ZNG1E: variants seen among roughly 807,000 people sequenced by gnomAD.
ZNG1E encodes zinc-regulated GTPase metalloprotein activator 1E.
At chr9:65,659,328 C>G in the ZNG1E span, among the ~76,000 whole-genome samples, 1 of 149,962 alleles carries the variant, frequency 6.7e-6, no homozygotes, top group African/African-American at 2.5e-5. Context: ...AACGCTGTCT[C>G]TACTAAAAAT....
At chr9:65,684,410 C>T in the ZNG1E span, among the ~76,000 whole-genome samples, 1 of 152,084 alleles carries the variant, frequency 6.6e-6, no homozygotes, top group Admixed American at 6.6e-5. Flanking sequence ...TGTGGCGCAC[C>T]CCATAATCCC....
chr9:65,669,519 C>T, the ZNG1E span, among the ~76,000 whole-genome samples: 3 of 150,312 alleles, frequency 2.0e-5, no homozygotes, highest in African/African-American at 2.5e-5. Flanking sequence ...TGCCCAACCT[C>T]CACTCCTGTC....
the ZNG1E span, among the ~76,000 whole-genome samples, chr9:65,658,339 TC>T: frequency 6.6e-6 from 1 of 151,706 alleles, no homozygotes; most frequent in Non-Finnish European, 1.5e-5. Context: ...AATAAAAAAT[TC>T]AGAGAAAGTT....
the ZNG1E span, among the ~76,000 whole-genome samples, chr9:65,674,954 A>G: frequency 1.1e-3 from 164 of 144,244 alleles, no homozygotes; most frequent in African/African-American, 4.2e-3. Context: ...AATACAAGAC[A>G]GCAGTGATGC....
At chr9:65,678,553 T>C in the ZNG1E span, among the ~76,000 whole-genome samples, 1 of 146,828 alleles carries the variant, frequency 6.8e-6, no homozygotes, top group East Asian at 1.9e-4. Flanking sequence ...AAAAAAAAGA[T>C]AAAGAAATGA....
At chr9:65,680,579 A>G in the ZNG1E span, among the ~76,000 whole-genome samples, 1 of 152,222 alleles carries the variant, frequency 6.6e-6, no homozygotes, top group African/African-American at 2.4e-5. Context: ...CCTAGCTGAA[A>G]TATAAAAAAT....
chr9:65,680,910 G>T, the ZNG1E span, among the ~76,000 whole-genome samples: 3 of 152,264 alleles, frequency 2.0e-5, no homozygotes, highest in African/African-American at 7.2e-5. Context: ...TGCCTCAGCC[G>T]CCTGAGTAGC....
the ZNG1E span, among the ~76,000 whole-genome samples, chr9:65,721,770 G>A: frequency 6.7e-6 from 1 of 149,864 alleles, no homozygotes; most frequent in Non-Finnish European, 1.5e-5. Flanking sequence ...TGTAGCCTCT[G>A]TAGGAGATTC....
At chr9:65,684,609 G>A in the ZNG1E span, among the ~76,000 whole-genome samples, 3,617 of 150,642 alleles carry the variant, frequency 0.024, 7 homozygotes, top group African/African-American at 0.083. Flanking sequence ...TTTTATTCCA[G>A]GGATCTCTCT....
chr9:65,673,838 C>T, the ZNG1E span, among the ~76,000 whole-genome samples: 2 of 152,296 alleles, frequency 1.3e-5, no homozygotes, highest in African/African-American at 4.8e-5. Flanking sequence ...GTATAACATT[C>T]AGCCAGTGCC....
At chr9:65,671,447 G>A in the ZNG1E span, among the ~76,000 whole-genome samples, 2 of 152,024 alleles carry the variant, frequency 1.3e-5, no homozygotes, top group African/African-American at 4.8e-5. Flanking sequence ...AACCTCCCGA[G>A]TAGCTGGGAC....
the ZNG1E span, among the ~76,000 whole-genome samples, chr9:65,655,096 G>C: frequency 1.3e-5 from 2 of 151,352 alleles, no homozygotes; most frequent in East Asian, 3.9e-4. Flanking sequence ...TGGATAAAAA[G>C]GTAACCAGAT....
the ZNG1E span, among the ~76,000 whole-genome samples, chr9:65,673,983 T>A: frequency 6.6e-6 from 1 of 152,276 alleles, no homozygotes; most frequent in Admixed American, 6.5e-5. Flanking sequence ...GTGGGTGCAA[T>A]GTTACTCCTT....
chr9:65,684,061 A>G, the ZNG1E span, among the ~76,000 whole-genome samples: 1 of 152,374 alleles, frequency 6.6e-6, no homozygotes. Context: ...AAAACTAAAG[A>G]TCACAGAGAA....
the ZNG1E span, among the ~76,000 whole-genome samples, chr9:65,685,215 G>C: frequency 1.9e-4 from 29 of 152,378 alleles, no homozygotes; most frequent in Middle Eastern, 3.4e-3. Context: ...TGCTGGTAGA[G>C]GGTCTTGTCA....
At chr9:65,684,546 G>GCACACACACACA in the ZNG1E span, among the ~76,000 whole-genome samples, 3 of 139,582 alleles carry the variant, frequency 2.1e-5, no homozygotes, top group East Asian at 2.1e-4. Flanking sequence ...ACACACACAC[G>GCACACACACACA]CACGCACACA....
the ZNG1E span, among the ~76,000 whole-genome samples, chr9:65,680,929 C>G: frequency 1.3e-5 from 2 of 152,220 alleles, no homozygotes; most frequent in African/African-American, 4.8e-5. Flanking sequence ...GCTGGGACTA[C>G]AGGTGCCCGC....
the ZNG1E span, among the ~76,000 whole-genome samples, chr9:65,677,967 TC>T: frequency 6.7e-6 from 1 of 149,242 alleles, no homozygotes; most frequent in African/African-American, 2.5e-5. Flanking sequence ...TCCCCTCCAT[TC>T]CCCCCTTCCC....
chr9:65,667,103 G>C, the ZNG1E span, among the ~76,000 whole-genome samples: 1 of 152,388 alleles, frequency 6.6e-6, no homozygotes, highest in East Asian at 1.9e-4. Flanking sequence ...TTACACATGT[G>C]AGCCACCGTA....
Sources: gnomAD v4.1 joint callset for allele counts (sites outside exome capture counted in the v4.1 genomes callset) on GRCh38, gnomAD v4.1.1 for gene constraint, MANE v1.5 for transcripts, NCBI Gene and HGNC (gene_info 2026-07-23, HGNC 2026-07-21) for gene names.